The following CERS3 variants were observed in gnomAD, a reference collection of about 807,000 sequenced individuals.
The protein encoded by CERS3 is LAG1 homolog, ceramide synthase 3.
In CERS3, 33 loss-of-function variants were observed where a neutral mutation model predicts 50.3. The observed-to-expected ratio is 0.66, with a 90% CI of 0.50 to 0.88. CERS3 has a LOEUF of 0.88. CERS3 is among the 40% of genes least tolerant of loss of function. CERS3 has a pLI of 0.00. For synonymous variants in CERS3, 176 were observed against 155.2 expected (o/e 1.13, Z -0.99); for missense variants, 470 against 460.3 (o/e 1.02, Z -0.19).
intron 6 of CERS3, 81 bp from the exon 7 acceptor site, chr15:100,479,559 A>G: frequency 9.8e-7 from 1 of 1,018,046 alleles, no homozygotes; most frequent in South Asian, 1.4e-5. Flanking sequence ...CAGAAAACCT[A>G]AGCTCTTCCT....
intron 2 of CERS3, among the ~76,000 whole-genome samples, chr15:100,502,367 T>C (rs962335518): frequency 3.3e-5 from 5 of 151,532 alleles, no homozygotes; most frequent in Non-Finnish European, 7.4e-5. Flanking sequence ...TACTCTTCCA[T>C]ACCCTCAGGA....
chr15:100,443,266 C>T (rs556658234), intron 11 of CERS3, among the ~76,000 whole-genome samples: 811 of 151,492 alleles, frequency 5.4e-3, no homozygotes, highest in Middle Eastern at 0.01. Context: ...ACCCTTACCC[C>T]GCTCAACGCC....
intron 11 of CERS3, among the ~76,000 whole-genome samples, chr15:100,415,489 C>T (rs138829291): frequency 3.5e-4 from 54 of 152,232 alleles, no homozygotes; most frequent in African/African-American, 1.2e-3. Context: ...AAGACACATG[C>T]ACATGTATGT....
chr15:100,493,030 G>A, intron 3 of CERS3, among the ~76,000 whole-genome samples: 1 of 152,036 alleles, frequency 6.6e-6, no homozygotes, highest in East Asian at 1.9e-4. Context: ...ATTGTGTTCT[G>A]ATCAACACAG....
intron 2 of CERS3, among the ~76,000 whole-genome samples, chr15:100,504,914 C>A (rs1010855629): frequency 5.3e-5 from 8 of 152,192 alleles, no homozygotes; most frequent in Non-Finnish European, 1.0e-4. Context: ...TTGCCCAGAA[C>A]ATCTCAGAAC....
chr15:100,494,537 GT>G (rs754163683), intron 3 of CERS3, among the ~76,000 whole-genome samples: 4 of 152,090 alleles, frequency 2.6e-5, no homozygotes, highest in Non-Finnish European at 5.9e-5. Flanking sequence ...GTGAGGCTTA[GT>G]CACCTTTTTT....
intron 4 of CERS3, among the ~76,000 whole-genome samples, chr15:100,485,398 G>A (rs1043767633): frequency 1.3e-5 from 2 of 152,138 alleles, no homozygotes; most frequent in African/African-American, 4.8e-5. Context: ...TTACCAATTC[G>A]AAGGTCTCCC....
intron 5 of CERS3, among the ~76,000 whole-genome samples, chr15:100,483,787 A>ATTATTATTTTTTTTTTTTTTTTTT (rs760594142): frequency 1.0e-5 from 1 of 100,040 alleles, no homozygotes; most frequent in Non-Finnish European, 1.9e-5. Context: ...TATTATTATT[A>ATTATTATTTTTTTTTTTTTTTTTT]TTTTTTTTTT....
chr15:100,501,759 G>C lies in CERS3; in HGVS notation c.91C>G (p.Leu31Val), dbSNP rs146289102. The change falls in exon 3 of 12, where the codon CTC (leucine) becomes GTC (valine). Residue 31 changes from leucine to valine, a missense_variant. Transcript: ENST00000679737. ...AAATGAGAAGGTTTTACAAAGACGA[G>C]TCCATCGTGATCCTCAAGATCTGAC... ...KWSDLEDHDG[L>V]VFVKPSHLYV... is the part of the protein sequence containing the mutation. The C allele has an allele frequency of 1.5e-4, 249 of 1,613,948 alleles. 1 individual carries two copies. The African/African-American group carries it at 2.9e-3, about 19-fold the overall frequency.
intron 1 of CERS3, among the ~76,000 whole-genome samples, chr15:100,523,881 A>G (rs951681813): frequency 6.6e-6 from 1 of 152,184 alleles, no homozygotes; most frequent in African/African-American, 2.4e-5. Context: ...CATATTGGAC[A>G]GTGAAGATCT....
Position 100,449,226 on chromosome 15 carries a change from C to G in CERS3, c.999+6667G>C, listed in dbSNP as rs1049796702. 5.9e-5 allele frequency among the ~76,000 whole-genome samples: 9 copies of G among 152,242 alleles called. No homozygotes were observed. The South Asian group carries it at 1.9e-3, about 31-fold the overall frequency. ...ACCTAACCTGCTGCTATCACCACAG[C>G]TAGTACTCACCTGCACATGCAACCT... On this transcript the variant is annotated intron_variant, in intron 11 of 11. Transcript: ENST00000679737.
intron 5 of CERS3, among the ~76,000 whole-genome samples, chr15:100,481,832 A>G (rs2035309196): frequency 6.6e-6 from 1 of 152,250 alleles, no homozygotes; most frequent in Admixed American, 6.5e-5. Context: ...GGGATTCTCA[A>G]AGTGTGTGCC....
intron 11 of CERS3, among the ~76,000 whole-genome samples, chr15:100,443,770 C>T (rs183226971): frequency 1.5e-3 from 235 of 152,160 alleles, no homozygotes; most frequent in Middle Eastern, 0.01. Flanking sequence ...CGATAGTGTC[C>T]GACTGATCTC....
At chr15:100,494,866 G>C (rs76925288) in intron 3 of CERS3, among the ~76,000 whole-genome samples, 1 of 152,242 alleles carries the variant, frequency 6.6e-6, no homozygotes, top group South Asian at 2.1e-4. Flanking sequence ...CCTTACACAG[G>C]TCTTCTAGAT....
intron 11 of CERS3, among the ~76,000 whole-genome samples, chr15:100,445,611 C>G (rs190411152): frequency 6.6e-6 from 1 of 152,126 alleles, no homozygotes; most frequent in African/African-American, 2.4e-5. Context: ...CAATATCACC[C>G]CTTACCACAA....
chr15:100,423,512 G>T (rs1238219830), intron 11 of CERS3, among the ~76,000 whole-genome samples: 1 of 152,132 alleles, frequency 6.6e-6, no homozygotes, highest in Non-Finnish European at 1.5e-5. Context: ...GTAAATTAAT[G>T]CAGGAGCAGA....
chr15:100,502,251 G>GAAAA (rs58654483), intron 2 of CERS3, among the ~76,000 whole-genome samples: 4 of 113,668 alleles, frequency 3.5e-5, no homozygotes, highest in Admixed American at 1.1e-4. Flanking sequence ...CTCAAAAAAA[G>GAAAA]AAAAAAAAAA....
intron 10 of CERS3, among the ~76,000 whole-genome samples, chr15:100,458,819 T>C (rs1392681862): frequency 2.0e-5 from 3 of 152,212 alleles, no homozygotes; most frequent in Non-Finnish European, 4.4e-5. Context: ...GATCACTACC[T>C]ATGTGTGATT....
intron 10 of CERS3, among the ~76,000 whole-genome samples, chr15:100,466,841 C>CTT (rs1567638733): frequency 1.1e-4 from 1 of 8,796 alleles, no homozygotes; most frequent in Non-Finnish European, 3.6e-4. Context: ...CCCTCTCTCC[C>CTT]TCTCTCTTTC....
Sources: allele counts gnomAD v4.1 joint callset (sites outside exome capture counted in the v4.1 genomes callset), GRCh38; gene constraint gnomAD v4.1.1; transcripts MANE v1.5; gene names NCBI Gene and HGNC (gene_info 2026-07-23, HGNC 2026-07-21).